The following LARGE1 variants were observed in gnomAD, a reference collection of about 807,000 sequenced individuals.
LARGE1 encodes LARGE xylosyl- and glucuronyltransferase 1.
LARGE1 carries 43 observed loss-of-function variants against 87.6 expected under a neutral mutation model. That is an observed-to-expected ratio of 0.49 (90% CI 0.38 to 0.63). The LOEUF (loss-of-function observed/expected upper bound fraction) is 0.63, where lower values mean the gene tolerates loss of function less well. LARGE1 is among the 30% of genes least tolerant of loss of function. LARGE1 has a pLI of 0.00. For synonymous variants in LARGE1, 434 were observed against 394.6 expected, an observed-to-expected ratio of 1.10 and a Z score of -1.18; for missense variants, 802 against 1,000.2, an observed-to-expected ratio of 0.80 and a Z score of 2.67.
intron 10 of LARGE1, among the ~76,000 whole-genome samples, chr22:33,325,240 C>T (rs940047417): frequency 6.6e-6 from 1 of 152,218 alleles, no homozygotes; most frequent in South Asian, 2.1e-4. Context: ...ACATCCTGTG[C>T]TCACCAATAT....
chr22:33,252,055 G>T (rs1035181159), intron 11 of LARGE1, among the ~76,000 whole-genome samples: 17 of 152,182 alleles, frequency 1.1e-4, no homozygotes, highest in African/African-American at 4.1e-4. Flanking sequence ...CTGACCTTTT[G>T]TTAGTAAAGG....
At chr22:33,851,593 A>G (rs2063584648) in intron 1 of LARGE1, among the ~76,000 whole-genome samples, 1 of 152,244 alleles carries the variant, frequency 6.6e-6, no homozygotes, top group African/African-American at 2.4e-5. Context: ...ACTACCAGGA[A>G]CATACCTGTG....
rs114752919 is a variant in LARGE1 at position 33,389,445 on chromosome 22, C to T, written c.893-5141G>A. On this transcript the variant is annotated intron_variant, in intron 7 of 14. Coordinates refer to ENST00000397394, the MANE Select transcript of LARGE1 (RefSeq NM_133642.5). ...GGCCCAGGAGATGATTTTGTTGGCA[C>T]TTGTCACCCATGTGTGACACAGTGG... Among the ~76,000 whole-genome samples the T allele has an allele frequency of 3.8e-3, 584 of 152,342 alleles. 5 individuals carry two copies. Among genetic ancestry groups the T allele is most frequent in the African/African-American group, 0.014 (563 of 41,576 alleles).
chr22:33,811,569 T>C (rs2086495126), intron 1 of LARGE1, among the ~76,000 whole-genome samples: 1 of 152,162 alleles, frequency 6.6e-6, no homozygotes, highest in African/African-American at 2.4e-5. Flanking sequence ...TTCCCAAATA[T>C]TCGCAACGTG....
chr22:33,829,813 T>C (rs548207364), intron 1 of LARGE1, among the ~76,000 whole-genome samples: 1 of 152,050 alleles, frequency 6.6e-6, no homozygotes, highest in Non-Finnish European at 1.5e-5. Context: ...AAACCAACAG[T>C]GATCCAGGGG....
chr22:33,656,317 G>A lies in LARGE1; in HGVS notation c.107-5649C>T, dbSNP rs939218111. Among the ~76,000 whole-genome samples, 18 of 152,066 alleles carry A rather than the reference G, an allele frequency of 1.2e-4. No individual in the cohort carries two copies. The East Asian group carries it at 2.5e-3, about 21-fold the overall frequency. On this transcript the variant is annotated intron_variant, in intron 2 of 14. Coordinates refer to ENST00000397394, the MANE Select transcript of LARGE1 (RefSeq NM_133642.5). ...CAGGCAAAAAGAGAATGAGAGTGAAGCGAAAGGGGTTTCCCTTATAAAACC... is the reference window on the plus strand; with the variant it reads ...CAGGCAAAAAGAGAATGAGAGTGAAACGAAAGGGGTTTCCCTTATAAAACC...
chr22:33,898,854 C>G (rs765202478), intron 1 of LARGE1, among the ~76,000 whole-genome samples: 1 of 152,234 alleles, frequency 6.6e-6, no homozygotes, highest in Non-Finnish European at 1.5e-5. Flanking sequence ...TCTCCTATCC[C>G]TGCAGAAATG....
At chr22:33,308,319 C>G (rs1569038020) in intron 11 of LARGE1, among the ~76,000 whole-genome samples, 1 of 152,186 alleles carries the variant, frequency 6.6e-6, no homozygotes. Context: ...ATCTGGTGCA[C>G]TGCCCATGAG....
At chr22:33,497,644 G>A (rs2070205746) in intron 6 of LARGE1, among the ~76,000 whole-genome samples, 1 of 152,166 alleles carries the variant, frequency 6.6e-6, no homozygotes, top group Non-Finnish European at 1.5e-5. Flanking sequence ...TCCAGTATAT[G>A]TTCAATAAAG....
intron 11 of LARGE1, among the ~76,000 whole-genome samples, chr22:33,215,553 T>G (rs113555718): frequency 6.2e-4 from 94 of 152,282 alleles, no homozygotes; most frequent in African/African-American, 2.0e-3. Flanking sequence ...CCCTGATGAG[T>G]AGAAATTTCA....
At chr22:33,842,909 C>CAAACAAAACAAAACAAAACA (rs138595293) in intron 1 of LARGE1, among the ~76,000 whole-genome samples, 46 of 146,482 alleles carry the variant, frequency 3.1e-4, no homozygotes, top group Admixed American at 1.6e-3. Flanking sequence ...CATTCTAGCA[C>CAAACAAAACAAAACAAAACA]AAACAAAACA....
At chr22:33,785,174 CAT>C (rs1357324457) in intron 1 of LARGE1, among the ~76,000 whole-genome samples, 10 of 145,970 alleles carry the variant, frequency 6.9e-5, no homozygotes, top group African/African-American at 1.8e-4. Flanking sequence ...TGTATACATA[CAT>C]ATGTGTATAT....
chr22:33,084,015 C>A, the LARGE1 span, among the ~76,000 whole-genome samples: 1 of 152,194 alleles, frequency 6.6e-6, no homozygotes, highest in Admixed American at 6.5e-5. Context: ...ACACTTTACA[C>A]CCCAGTAAAC....
chr22:33,489,190 A>C (rs2069715351), intron 6 of LARGE1, among the ~76,000 whole-genome samples: 1 of 152,234 alleles, frequency 6.6e-6, no homozygotes, highest in African/African-American at 2.4e-5. Flanking sequence ...CAGGCAGCAG[A>C]AAAGTAAATA....
chr22:33,096,858 C>T, the LARGE1 span, among the ~76,000 whole-genome samples: 1 of 152,252 alleles, frequency 6.6e-6, no homozygotes, highest in Non-Finnish European at 1.5e-5. Flanking sequence ...AGCCACCGCG[C>T]CCGGCGGATC....
chr22:33,738,329 G>A (rs2083737572), intron 2 of LARGE1, among the ~76,000 whole-genome samples: 1 of 152,158 alleles, frequency 6.6e-6, no homozygotes, highest in Non-Finnish European at 1.5e-5. Flanking sequence ...TATGAAGGCT[G>A]CTTGCTGGGC....
intron 1 of LARGE1, among the ~76,000 whole-genome samples, chr22:33,814,978 C>T (rs2086607587): frequency 6.6e-6 from 1 of 152,200 alleles, no homozygotes; most frequent in Non-Finnish European, 1.5e-5. Flanking sequence ...AATTTAGACT[C>T]ATATCTTCAA....
chr22:33,920,899 G>A (rs2065929040), upstream of LARGE1, among the ~76,000 whole-genome samples: 1 of 147,306 alleles, frequency 6.8e-6, no homozygotes, highest in African/African-American at 2.4e-5. Flanking sequence ...GGCCAGGAGT[G>A]GGCCGCCGCG....
At chr22:33,383,960 T>G (rs1199862204) in intron 8 of LARGE1, among the ~76,000 whole-genome samples, 1 of 152,194 alleles carries the variant, frequency 6.6e-6, no homozygotes, top group Admixed American at 6.5e-5. Flanking sequence ...TGGCTCCTGG[T>G]ATACACAGTA....
Sources: allele counts gnomAD v4.1 joint callset (sites outside exome capture counted in the v4.1 genomes callset), GRCh38; gene constraint gnomAD v4.1.1; transcripts MANE v1.5; gene names NCBI Gene and HGNC (gene_info 2026-07-23, HGNC 2026-07-21).